Variants in SEPTIN9 observed in about 807,000 individuals in gnomAD.
SEPTIN9 encodes septin-9.
In SEPTIN9, 13 loss-of-function variants were observed where a neutral mutation model predicts 56.6. The ratio of observed to expected loss-of-function variants is 0.23; its 90% confidence interval spans 0.15 to 0.37. The LOEUF (loss-of-function observed/expected upper bound fraction) is 0.37. SEPTIN9 is among the 10% of genes least tolerant of loss of function. The probability of loss-of-function intolerance (pLI) is 1.00; values close to 1 mark genes in which losing one functional copy is unlikely to be tolerated. For synonymous variants in SEPTIN9, 332 were observed against 334.1 expected (o/e 0.99, Z 0.07); for missense variants, 650 against 823.1 (o/e 0.79, Z 2.57).
chr17:77,484,924 T>G (rs1337664715), intron 4 of SEPTIN9, among the ~76,000 whole-genome samples: 5 of 94,454 alleles, frequency 5.3e-5, no homozygotes, highest in South Asian at 3.7e-4. Flanking sequence ...TGGTGGTGAT[T>G]GTGATGGTGG....
At chr17:77,325,046 T>C (rs886884350) in intron 2 of SEPTIN9, among the ~76,000 whole-genome samples, 5 of 152,156 alleles carry the variant, frequency 3.3e-5, no homozygotes, top group Non-Finnish European at 7.4e-5. Flanking sequence ...CTCGAACTCC[T>C]GACCTCAAGT....
intron 2 of SEPTIN9, among the ~76,000 whole-genome samples, chr17:77,309,983 T>C (rs1479650603): frequency 7.2e-6 from 1 of 139,642 alleles, no homozygotes; most frequent in East Asian, 2.2e-4. Context: ...CTAGGTCTCC[T>C]TTTTTTTTTT....
At chr17:77,411,610 C>T (rs572930946) in intron 3 of SEPTIN9, among the ~76,000 whole-genome samples, 14 of 151,622 alleles carry the variant, frequency 9.2e-5, no homozygotes, top group African/African-American at 3.1e-4. Flanking sequence ...CCATGTTGGC[C>T]AGGCTGCTCT....
intron 3 of SEPTIN9, among the ~76,000 whole-genome samples, chr17:77,404,244 A>G (rs1351746880): frequency 4.6e-5 from 7 of 151,656 alleles, no homozygotes; most frequent in Non-Finnish European, 8.8e-5. Context: ...ATCTTCTTTG[A>G]CTTTTCTTTG....
intron 1 of SEPTIN9, among the ~76,000 whole-genome samples, chr17:77,284,348 G>A (rs566564067): frequency 9.9e-5 from 15 of 152,220 alleles, no homozygotes; most frequent in Non-Finnish European, 2.1e-4. Flanking sequence ...GCCCACACAG[G>A]GCAGCTGCAG....
At chr17:77,418,751 G>A (rs1170075803) in intron 3 of SEPTIN9, among the ~76,000 whole-genome samples, 1 of 152,130 alleles carries the variant, frequency 6.6e-6, no homozygotes, top group Admixed American at 6.5e-5. Flanking sequence ...CCCTCCCCTC[G>A]GGAGCTCCCC....
chr17:77,373,391 C>T lies in SEPTIN9; in HGVS notation c.77-28668C>T, dbSNP rs148740327. The T allele has an allele frequency of 6.8e-3, 8,555 of 1,252,644 alleles. 41 individuals are homozygous for T. The highest frequency in any genetic ancestry group is 7.4e-3 in the Non-Finnish European group (7,448 of 1,002,610). 77.6% of individuals were successfully genotyped at this position (1,252,644 alleles called of 1,614,324 possible). On this transcript the variant is annotated intron_variant, in intron 2 of 11. Transcript: ENST00000427177. ...GGCTCCTCCGGCGGCTAGCTCTGCA[C>T]TGCAGGAGCGCGGGCGCGGCGCCCC...
chr17:77,292,734 T>C (rs1263294882), intron 1 of SEPTIN9, among the ~76,000 whole-genome samples: 2 of 152,098 alleles, frequency 1.3e-5, no homozygotes, highest in East Asian at 1.9e-4. Flanking sequence ...CCTCAGGTGA[T>C]AGGCTCGCGT....
rs576433679 is a variant in SEPTIN9 at position 77,330,000 on chromosome 17, A to T, written c.76+22803A>T. Among the ~76,000 whole-genome samples, 1 of 152,112 alleles carries T rather than the reference A, an allele frequency of 6.6e-6. No homozygotes were observed. The highest frequency in any genetic ancestry group is 2.1e-4 in the South Asian group (1 of 4,832). On this transcript the variant is annotated intron_variant, in intron 2 of 11. Transcript: ENST00000427177. This position sits in a 1 kb window ranked among gnomAD's most constrained non-coding sequence, Gnocchi z 4.3. ...GCTCCAGGCAACACAGTCGAGCTGC[A>T]GCCCCCGCTCCATCCCCAGCTGGGG...
rs1331878710 is a variant in SEPTIN9, at chr17:77,475,314, G to A, written c.722-6830G>A. On this transcript the variant is annotated intron_variant, in intron 3 of 11. Coordinates refer to ENST00000427177, the MANE Select transcript of SEPTIN9 (RefSeq NM_001113491.2). The surrounding 1 kb of genome is among the most constrained non-coding windows in gnomAD (Gnocchi z 4.6). The stretch of plus-strand genomic sequence containing the variant: ...TGTGGGAGCGGGGAGGGCAAGCCCT[G>A]GTTGCGAGGCAGGGCTTCCCCAGGA... 1 of 1,425,612 alleles carries A rather than the reference G, an allele frequency of 7.0e-7. No individual in the cohort carries two copies. Among genetic ancestry groups the A allele is most frequent in the Non-Finnish European group, 9.1e-7 (1 of 1,095,262 alleles). 88.3% of individuals were successfully genotyped at this position (1,425,612 alleles called of 1,614,324 possible). A position where few individuals can be genotyped will look rare whatever the true frequency, so the allele number is the denominator to read the frequency against.
intron 4 of SEPTIN9, chr17:77,482,616 C>T (rs999020198): frequency 6.2e-6 from 4 of 641,960 alleles, no homozygotes; most frequent in South Asian, 5.1e-5. Flanking sequence ...GATGAGTGGT[C>T]GCTGCCTCTG....
intron 3 of SEPTIN9, chr17:77,466,484 G>A (rs1292419139): frequency 1.0e-6 from 1 of 985,410 alleles, no homozygotes; most frequent in African/African-American, 1.7e-5. Flanking sequence ...GCGTGAGCGT[G>A]AGCGAGCCAG....
Position 77,447,209 on chromosome 17 carries a change from C to T in SEPTIN9, c.722-34935C>T, listed in dbSNP as rs190376362. On this transcript the variant is annotated intron_variant, in intron 3 of 11. Coordinates refer to ENST00000427177, the MANE Select transcript of SEPTIN9 (RefSeq NM_001113491.2). ...AAGGATATCCATGCGGGGAGGCCGG[C>T]GTGTGGAGTGCGTAGGCCTCCGGAC... 2.7e-3 allele frequency: 446 copies of T among 167,136 alleles called. 1 individual carries two copies. Among genetic ancestry groups the T allele is most frequent in the Non-Finnish European group, 3.8e-3 (259 of 68,116 alleles). 10.4% of individuals were successfully genotyped at this position (167,136 alleles called of 1,614,324 possible). A position where few individuals can be genotyped will look rare whatever the true frequency, so the allele number is the denominator to read the frequency against.
chr17:77,343,003 G>GTCTATCTATCTATCTATCTA (rs139340887), intron 2 of SEPTIN9, among the ~76,000 whole-genome samples: 68 of 147,254 alleles, frequency 4.6e-4, no homozygotes, highest in East Asian at 1.4e-3. Context: ...CTGTCTGTCT[G>GTCTATCTATCTATCTATCTA]TCTATCTATC....
At chr17:77,428,742 G>T (rs1156439479) in intron 3 of SEPTIN9, among the ~76,000 whole-genome samples, 1 of 152,158 alleles carries the variant, frequency 6.6e-6, no homozygotes, top group South Asian at 2.1e-4. Flanking sequence ...GGGCTGTGGG[G>T]TCAGCAGAGG....
chr17:77,332,648 C>G (rs2033407750), intron 2 of SEPTIN9, among the ~76,000 whole-genome samples: 1 of 152,192 alleles, frequency 6.6e-6, no homozygotes, highest in Admixed American at 6.5e-5. Context: ...TAGAACATCA[C>G]TATCACCCCA....
intron 3 of SEPTIN9, among the ~76,000 whole-genome samples, chr17:77,427,482 C>T (rs2036956928): frequency 6.6e-6 from 1 of 152,218 alleles, no homozygotes; most frequent in Admixed American, 6.5e-5. Context: ...ACCTCACTTC[C>T]CCCGTCCTCC....
rs368295986 is a variant in SEPTIN9 at position 77,320,368 on chromosome 17, C to T, written c.76+13171C>T. The T allele has an allele frequency of 1.4e-3, 2,304 of 1,607,204 alleles. 49 individuals are homozygous for T. The South Asian group carries it at 0.022, about 16-fold the overall frequency. On this transcript the variant is annotated intron_variant, in intron 2 of 11. Transcript: ENST00000427177. ...TCTCAGGTACGCAGACAGCCCCCTC[C>T]CCATCGGCCGCCCCCCACTGCCCTG...
At position 77,313,094 on chromosome 17, in the gene SEPTIN9, G is replaced by T. The variant is rs984058725; in HGVS notation, c.76+5897G>T. Among the ~76,000 whole-genome samples the T allele has an allele frequency of 6.6e-6, 1 of 152,176 alleles. No homozygotes were observed. The highest frequency in any genetic ancestry group is 1.5e-5 in the Non-Finnish European group (1 of 68,028). ...TGAGCAAGCAGGATGAAAGACACCC[G>T]CTCTCGGGGGAGTCTTCCGTTGGCT... is the stretch of plus-strand genomic sequence containing the variant. On this transcript the variant is annotated intron_variant, in intron 2 of 11. Coordinates refer to ENST00000427177, the MANE Select transcript of SEPTIN9 (RefSeq NM_001113491.2). The surrounding 1 kb of genome is among the most constrained non-coding windows in gnomAD (Gnocchi z 4.5).
Sources: gnomAD v4.1 joint callset for allele counts (sites outside exome capture counted in the v4.1 genomes callset) on GRCh38, gnomAD v4.1.1 for gene constraint, Gnocchi (gnomAD v3.1) non-coding constraint, MANE v1.5 for transcripts, NCBI Gene and HGNC (gene_info 2026-07-23, HGNC 2026-07-21) for gene names.